The following NTM variants were observed in gnomAD, a reference collection of about 807,000 sequenced individuals.
NTM encodes the protein neurotrimin, also known as IgLON family member 2.
A neutral mutation model predicts 42.1 loss-of-function variants in NTM; 13 were observed. That is an observed-to-expected ratio of 0.31 (90% CI 0.20 to 0.49). The LOEUF (loss-of-function observed/expected upper bound fraction) is 0.49, where lower values mean the gene tolerates loss of function less well. Ranked by LOEUF, NTM falls within the 20% of genes least tolerant of loss-of-function variation. NTM has a pLI of 0.99. For missense variants in NTM, 373 were observed against 452.8 expected, an observed-to-expected ratio of 0.82 and a Z score of 1.60; for synonymous variants, 187 against 179.2, an observed-to-expected ratio of 1.04 and a Z score of -0.35.
intron 1 of NTM, among the ~76,000 whole-genome samples, chr11:131,450,722 G>A (rs1950416957): frequency 1.3e-5 from 2 of 152,078 alleles, no homozygotes; most frequent in Admixed American, 1.3e-4. Context: ...ATAGATCAGT[G>A]GTTCTTAATA....
chr11:131,815,628 T>A (rs2092920938), intron 1 of NTM, among the ~76,000 whole-genome samples: 2 of 151,792 alleles, frequency 1.3e-5, no homozygotes, highest in Admixed American at 1.3e-4. Context: ...AACCCCCACT[T>A]CCCCCCTCCT....
At chr11:131,921,843 A>G (rs1411721243) in intron 2 of NTM, among the ~76,000 whole-genome samples, 5 of 152,072 alleles carry the variant, frequency 3.3e-5, no homozygotes, top group African/African-American at 1.2e-4. Flanking sequence ...ACCCTATTGT[A>G]TCTTCTCAGT....
intron 7 of NTM, among the ~76,000 whole-genome samples, chr11:132,322,925 G>C (rs1420691985): frequency 1.3e-4 from 18 of 143,628 alleles, no homozygotes; most frequent in African/African-American, 4.4e-4. Flanking sequence ...GCTCCTGAAT[G>C]ACTACTGGGT....
chr11:131,915,876 T>C (rs1313200449), intron 2 of NTM, among the ~76,000 whole-genome samples: 3 of 152,194 alleles, frequency 2.0e-5, no homozygotes, highest in Non-Finnish European at 4.4e-5. Context: ...TATCTCCCAC[T>C]GGGTCCCTCC....
intron 1 of NTM, among the ~76,000 whole-genome samples, chr11:131,864,732 T>C (rs750054315): frequency 1.3e-5 from 2 of 152,254 alleles, no homozygotes; most frequent in Non-Finnish European, 2.9e-5. Flanking sequence ...GTGCCACCTC[T>C]GACCAGGATT....
chr11:131,786,551 TAAAG>T lies in NTM; in HGVS notation c.83-125007_83-125004del, dbSNP rs1166018227. On this transcript the variant is annotated intron_variant, in intron 1 of 8. Transcript: ENST00000683400. The stretch of plus-strand genomic sequence containing the variant: ...GATGATTACTGAGCACCCTCCAAGA[TAAAG>T]AAAGAGTAAAATACAGAAGCTGTAG... 2.6e-5 allele frequency among the ~76,000 whole-genome samples: 4 copies of T among 152,124 alleles called. No individual in the cohort carries two copies. The South Asian group carries it at 6.2e-4, about 24-fold the overall frequency.
intron 7 of NTM, among the ~76,000 whole-genome samples, chr11:132,315,547 C>T (rs977480343): frequency 6.6e-6 from 1 of 152,194 alleles, no homozygotes; most frequent in Non-Finnish European, 1.5e-5. Context: ...CCCAATCCCT[C>T]ATGTTAACAA....
Position 132,292,787 on chromosome 11 carries a change from T to TAAAAAAAAAAA in NTM, c.527-14886_527-14876dup, listed in dbSNP as rs61603794. Among the ~76,000 whole-genome samples the TAAAAAAAAAAA allele has an allele frequency of 6.4e-4, 36 of 56,564 alleles. 2 individuals are homozygous for TAAAAAAAAAAA. The highest frequency in any genetic ancestry group is 1.1e-3 in the East Asian group (2 of 1,872). 37.1% of individuals were successfully genotyped at this position (56,564 alleles called of 152,430 possible). ...AATTTTATCAAAAGGGATGTAAAAGTAAAAAAAAAAAAAAAAAAAAAAAAA... is the reference window on the plus strand; with the variant it reads ...AATTTTATCAAAAGGGATGTAAAAGTAAAAAAAAAAAAAAAAAAAAAAAAAAAAAAAAAAAA... On this transcript the variant is annotated intron_variant, in intron 4 of 8. Coordinates refer to ENST00000683400, the MANE Select transcript of NTM (RefSeq NM_001352005.2).
At chr11:131,792,650 C>T (rs1356808402) in intron 1 of NTM, among the ~76,000 whole-genome samples, 1 of 152,176 alleles carries the variant, frequency 6.6e-6, no homozygotes, top group East Asian at 1.9e-4. Flanking sequence ...CCCTCTGTGG[C>T]TTAGACGGTG....
At chr11:131,691,802 A>G (rs905281379) in intron 1 of NTM, among the ~76,000 whole-genome samples, 6 of 152,200 alleles carry the variant, frequency 3.9e-5, no homozygotes, top group African/African-American at 1.2e-4. Context: ...CGGCGCATCC[A>G]CACAGCTCCG....
At chr11:132,059,164 C>T (rs1022722342) in intron 2 of NTM, among the ~76,000 whole-genome samples, 17 of 152,340 alleles carry the variant, frequency 1.1e-4, no homozygotes, top group South Asian at 8.3e-4. Context: ...TGGGCCTCCA[C>T]CTTCCCTTTT....
intron 1 of NTM, among the ~76,000 whole-genome samples, chr11:131,910,421 G>A (rs1398566102): frequency 6.8e-6 from 1 of 147,744 alleles, no homozygotes; most frequent in African/African-American, 2.4e-5. Context: ...CTGGGCTGGT[G>A]CACAGCCTGG....
chr11:131,869,744 C>T (rs2047583076), intron 1 of NTM, among the ~76,000 whole-genome samples: 1 of 152,008 alleles, frequency 6.6e-6, no homozygotes, highest in Non-Finnish European at 1.5e-5. Context: ...CTTCCTTGTC[C>T]CTTGTCCTTC....
intron 4 of NTM, among the ~76,000 whole-genome samples, chr11:132,275,664 A>G (rs570602004): frequency 3.4e-5 from 5 of 148,524 alleles, no homozygotes; most frequent in Non-Finnish European, 4.5e-5. Flanking sequence ...ACAATTGTGC[A>G]TATTTATGAA....
intron 2 of NTM, among the ~76,000 whole-genome samples, chr11:132,145,278 A>G (rs1166318157): frequency 6.6e-6 from 1 of 152,256 alleles, no homozygotes; most frequent in African/African-American, 2.4e-5. Flanking sequence ...GTTGCAAAAC[A>G]TCAAAGGAGA....
chr11:131,476,930 C>T (rs1201369748), intron 1 of NTM, among the ~76,000 whole-genome samples: 1 of 152,114 alleles, frequency 6.6e-6, no homozygotes, highest in African/African-American at 2.4e-5. Flanking sequence ...GAATGTCTTT[C>T]CTCTTTGGGC....
At position 131,745,172 on chromosome 11, in the gene NTM, A is replaced by G. The variant is rs111573564; in HGVS notation, c.83-166392A>G. Among the ~76,000 whole-genome samples the G allele has an allele frequency of 3.9e-3, 596 of 152,308 alleles. 7 individuals carry two copies. The highest frequency in any genetic ancestry group is 0.014 in the African/African-American group (569 of 41,562). On this transcript the variant is annotated intron_variant, in intron 1 of 8. Transcript: ENST00000683400. Reference sequence around the variant, plus strand: ...TATGGAGTTATAGCCTTGGGTGACAATGATTATGGCTTGTAATACTGGGGC... The same window carrying G: ...TATGGAGTTATAGCCTTGGGTGACAGTGATTATGGCTTGTAATACTGGGGC...
At chr11:132,157,619 T>C (rs1426507142) in intron 3 of NTM, among the ~76,000 whole-genome samples, 1 of 152,198 alleles carries the variant, frequency 6.6e-6, no homozygotes, top group Non-Finnish European at 1.5e-5. Context: ...GAGTTGAAGA[T>C]TAAAATCGCT....
chr11:131,554,088 G>A (rs530225170), intron 1 of NTM, among the ~76,000 whole-genome samples: 1 of 152,292 alleles, frequency 6.6e-6, no homozygotes, highest in East Asian at 1.9e-4. Context: ...AATCCTGTAA[G>A]AGTTGACTCT....
Sources: allele counts gnomAD v4.1 joint callset (sites outside exome capture counted in the v4.1 genomes callset), GRCh38; gene constraint gnomAD v4.1.1; transcripts MANE v1.5; gene names NCBI Gene and HGNC (gene_info 2026-07-23, HGNC 2026-07-21).